The following MGAT4C variants were observed in gnomAD, a reference collection of about 807,000 sequenced individuals.
MGAT4C encodes alpha-1,3-mannosyl-glycoprotein 4-beta-N-acetylglucosaminyltransferase C.
Under a neutral mutation model 40.1 loss-of-function variants are expected in MGAT4C, and 19 were observed. The ratio of observed to expected loss-of-function variants is 0.47; its 90% CI spans 0.33 to 0.70. The LOEUF is 0.70. MGAT4C is among the 30% of genes least tolerant of loss of function. MGAT4C has a pLI of 0.02. For synonymous variants in MGAT4C, 181 were observed against 187.1 expected, an observed-to-expected ratio of 0.97 and a Z score of 0.27; for missense variants, 491 against 563.2, an observed-to-expected ratio of 0.87 and a Z score of 1.30.
At position 86,444,764 on chromosome 12, in the gene MGAT4C, A is replaced by G. The variant is rs111847521; in HGVS notation, c.-228-9499T>C. On this transcript the variant is annotated intron_variant, in intron 2 of 7. Coordinates refer to the MGAT4C transcript ENST00000548651. The stretch of plus-strand genomic sequence containing the variant: ...TATTTCTGAGGTACGGTTCTGTAGT[A>G]TTAAGTATATTCACTTTGTTGCACA... Among the ~76,000 whole-genome samples, 1,047 of 152,302 alleles carry G rather than the reference A, an allele frequency of 6.9e-3. 10 individuals are homozygous for G. Among genetic ancestry groups the G allele is most frequent in the African/African-American group, 0.024 (999 of 41,568 alleles).
chr12:86,567,742 G>A (rs949296199), intron 2 of MGAT4C, among the ~76,000 whole-genome samples: 4 of 152,186 alleles, frequency 2.6e-5, no homozygotes, highest in Admixed American at 6.5e-5. Flanking sequence ...CTACAACCAC[G>A]TGACCAGTTG....
chr12:86,310,189 T>A (rs1411653939), intron 4 of MGAT4C, among the ~76,000 whole-genome samples: 1 of 151,642 alleles, frequency 6.6e-6, no homozygotes, highest in African/African-American at 2.4e-5. Context: ...AGGCAGGTAA[T>A]GTGAATGAGT....
At chr12:86,468,518 T>G (rs1957714214) in intron 2 of MGAT4C, among the ~76,000 whole-genome samples, 1 of 122,522 alleles carries the variant, frequency 8.2e-6, no homozygotes, top group African/African-American at 2.6e-5. Context: ...TCTGAGTTGT[T>G]TTTTTTCTTA....
chr12:85,998,017 A>T (rs747256581), intron 2 of MGAT4C, among the ~76,000 whole-genome samples: 35 of 152,206 alleles, frequency 2.3e-4, no homozygotes, highest in Non-Finnish European at 4.0e-4. Flanking sequence ...GCAAACTTCT[A>T]TCTGGATATC....
intron 2 of MGAT4C, among the ~76,000 whole-genome samples, chr12:86,478,635 C>T (rs1400890830): frequency 1.3e-5 from 2 of 152,110 alleles, no homozygotes; most frequent in African/African-American, 4.8e-5. Context: ...TCCCCACTTA[C>T]TGCCCATGGC....
At chr12:86,265,713 T>A (rs1447301474) in intron 4 of MGAT4C, among the ~76,000 whole-genome samples, 1 of 152,198 alleles carries the variant, frequency 6.6e-6, no homozygotes. Context: ...TATTTTGATA[T>A]AGATTTCAAT....
intron 2 of MGAT4C, among the ~76,000 whole-genome samples, chr12:86,602,096 G>A: frequency 6.6e-6 from 1 of 152,164 alleles, no homozygotes; most frequent in African/African-American, 2.4e-5. Context: ...CGAGGCAGCA[G>A]CCAGCATGCC....
Position 86,037,219 on chromosome 12 carries a change from G to A in MGAT4C, c.-7+12455C>T, listed in dbSNP as rs530488824. 1.1e-4 allele frequency among the ~76,000 whole-genome samples: 16 copies of A among 149,638 alleles called. 2 individuals are homozygous for A. Among genetic ancestry groups the A allele is most frequent in the Non-Finnish European group, 2.2e-4 (15 of 66,718 alleles). On this transcript the variant is annotated intron_variant, in intron 2 of 4. Coordinates refer to ENST00000611864, the MANE Select transcript of MGAT4C (RefSeq NM_001351288.2). Reference sequence around the variant, plus strand: ...GTCTGGCTAGCAGTCTATCGATTTCGTTGATCTTTTCAAAAATCCAGCTCC... The same window carrying A: ...GTCTGGCTAGCAGTCTATCGATTTCATTGATCTTTTCAAAAATCCAGCTCC...
chr12:86,044,058 C>T (rs1158437582), intron 2 of MGAT4C, among the ~76,000 whole-genome samples: 4 of 152,098 alleles, frequency 2.6e-5, no homozygotes, highest in Non-Finnish European at 4.4e-5. Flanking sequence ...TTGCTTTTAT[C>T]TTCTTTGTTG....
intron 1 of MGAT4C, among the ~76,000 whole-genome samples, chr12:86,803,912 C>G (rs954638646): frequency 6.7e-6 from 1 of 148,384 alleles, no homozygotes; most frequent in Non-Finnish European, 1.5e-5. Flanking sequence ...CATCCCATTA[C>G]TGGGTATATA....
chr12:86,123,839 G>A (rs1369785748), intron 1 of MGAT4C, among the ~76,000 whole-genome samples: 2 of 151,796 alleles, frequency 1.3e-5, no homozygotes, highest in African/African-American at 4.8e-5. Flanking sequence ...TATAAAATAC[G>A]GACGAAGGAT....
rs1418412976 is a variant in MGAT4C at position 86,053,239 on chromosome 12, A to G, written c.-56-3516T>C. Among the ~76,000 whole-genome samples the G allele has an allele frequency of 6.5e-5, 6 of 92,462 alleles. No individual in the cohort carries two copies. The East Asian group carries it at 2.6e-3, about 41-fold the overall frequency. 60.7% of individuals were successfully genotyped at this position (92,462 alleles called of 152,430 possible). A position where few individuals can be genotyped will look rare whatever the true frequency, so the allele number is the denominator to read the frequency against. On this transcript the variant is annotated intron_variant, in intron 1 of 4. Coordinates refer to ENST00000611864, the MANE Select transcript of MGAT4C (RefSeq NM_001351288.2). ...AACATTGGAAAACCATTAGCTGAGTATTTGACTTTGTGTGTGTGTGTGTGT... is the reference window on the plus strand; with the variant it reads ...AACATTGGAAAACCATTAGCTGAGTGTTTGACTTTGTGTGTGTGTGTGTGT...
At chr12:86,450,308 AGATTT>A (rs1390626506) in intron 2 of MGAT4C, among the ~76,000 whole-genome samples, 1 of 152,156 alleles carries the variant, frequency 6.6e-6, no homozygotes, top group Non-Finnish European at 1.5e-5. Flanking sequence ...CTATTTAGAT[AGATTT>A]GTTAGTGAAG....
At chr12:86,456,070 C>G (rs1957507024) in intron 2 of MGAT4C, among the ~76,000 whole-genome samples, 1 of 151,982 alleles carries the variant, frequency 6.6e-6, no homozygotes, top group Non-Finnish European at 1.5e-5. Flanking sequence ...TTTAATATAT[C>G]CTTCCTATTC....
At chr12:86,723,440 G>A (rs566221040) in intron 2 of MGAT4C, among the ~76,000 whole-genome samples, 1 of 152,278 alleles carries the variant, frequency 6.6e-6, no homozygotes, top group South Asian at 2.1e-4. Flanking sequence ...AAGGTTCCAG[G>A]AAAGGATCTG....
At position 86,428,699 on chromosome 12, in the gene MGAT4C, G is replaced by A. The variant is rs180914052; in HGVS notation, c.-120+6458C>T. Reference sequence around the variant, plus strand: ...ATTTATTAATGATTCAGTCCTGTTAGGTTGTATGTGTTTAGGAATTTATCC... The same window carrying A: ...ATTTATTAATGATTCAGTCCTGTTAAGTTGTATGTGTTTAGGAATTTATCC... On this transcript the variant is annotated intron_variant, in intron 3 of 7. Transcript: ENST00000548651. Among the ~76,000 whole-genome samples the A allele has an allele frequency of 1.2e-3, 190 of 152,200 alleles. 4 individuals are homozygous for A. The highest frequency in any genetic ancestry group is 4.3e-3 in the African/African-American group (178 of 41,534).
intron 1 of MGAT4C, among the ~76,000 whole-genome samples, chr12:86,768,045 A>G (rs368387961): frequency 7.9e-5 from 12 of 152,214 alleles, no homozygotes; most frequent in South Asian, 2.1e-4. Flanking sequence ...GGAAATAAAG[A>G]GTATTCAATT....
intron 1 of MGAT4C, among the ~76,000 whole-genome samples, chr12:86,836,564 G>C (rs1566024064): frequency 6.6e-6 from 1 of 152,026 alleles, no homozygotes; most frequent in African/African-American, 2.4e-5. Context: ...ACTAAACCTG[G>C]AAGTTGAGCA....
chr12:86,408,732 T>C (rs1956539671), intron 3 of MGAT4C, among the ~76,000 whole-genome samples: 1 of 151,628 alleles, frequency 6.6e-6, no homozygotes, highest in Non-Finnish European at 1.5e-5. Context: ...CTTGCTAACC[T>C]ATTTATTTTT....
Sources: allele counts gnomAD v4.1 joint callset (sites outside exome capture counted in the v4.1 genomes callset), GRCh38; gene constraint gnomAD v4.1.1; transcripts MANE v1.5; gene names NCBI Gene and HGNC (gene_info 2026-07-23, HGNC 2026-07-21).